Variants in ELAPOR1 observed in about 807,000 individuals in gnomAD.
The protein encoded by ELAPOR1 is endosome/lysosome-associated apoptosis and autophagy regulator 1.
In ELAPOR1, 77 loss-of-function variants were observed where a neutral mutation model predicts 119.7. The observed-to-expected ratio is 0.64, with a 90% CI of 0.54 to 0.78. The LOEUF (loss-of-function observed/expected upper bound fraction) is 0.78. Among genes scored for constraint, ELAPOR1 ranks in the 30% least tolerant of loss-of-function variants. The pLI is 0.00. For missense variants in ELAPOR1, 1,115 were observed against 1,270.4 expected (o/e 0.88, Z 1.86); for synonymous variants, 481 against 487.2 (o/e 0.99, Z 0.17).
chr1:109,164,271 G>C (rs956023546), intron 2 of ELAPOR1, among the ~76,000 whole-genome samples: 1 of 151,934 alleles, frequency 6.6e-6, no homozygotes, highest in East Asian at 1.9e-4. Context: ...TCTTTTGGCC[G>C]TTCCATACAA....
chr1:109,164,775 C>T (rs541370280), intron 3 of ELAPOR1, 84 bp downstream of exon 3: 2 of 1,342,682 alleles, frequency 1.5e-6, no homozygotes, highest in Admixed American at 2.3e-5. Context: ...CTCCGCTGCC[C>T]CTCAGGCTGG....
chr1:109,121,982 T>C (rs1000184264), intron 1 of ELAPOR1, among the ~76,000 whole-genome samples: 1 of 151,744 alleles, frequency 6.6e-6, no homozygotes, highest in Non-Finnish European at 1.5e-5. Flanking sequence ...TCATATTGGC[T>C]AGGCTGATCT....
At chr1:109,191,298 T>G in intron 11 of ELAPOR1, 68 bp from the exon 12 acceptor site, 1 of 1,057,076 alleles carries the variant, frequency 9.5e-7, no homozygotes, top group South Asian at 1.3e-5. Context: ...GACGCTCTGC[T>G]GTTGTCTGGG....
At chr1:109,129,667 C>T (rs1157589250) in intron 1 of ELAPOR1, among the ~76,000 whole-genome samples, 3 of 152,248 alleles carry the variant, frequency 2.0e-5, no homozygotes, top group South Asian at 2.1e-4. Flanking sequence ...GTGGACAGAG[C>T]GCAGCCTCTG....
rs189174883 is a variant in ELAPOR1 at position 109,190,559 on chromosome 1, T to C, written c.1440-807T>C. ...CCTTCTTCGAGGTCCCTGCTTCCCA[T>C]CCCTGGGATGTTGCTCAGTTTGCCT... On this transcript the variant is annotated intron_variant, in intron 11 of 21. Coordinates refer to ENST00000369939, the MANE Select transcript of ELAPOR1 (RefSeq NM_020775.5). Among the ~76,000 whole-genome samples, 14 of 152,328 alleles carry C rather than the reference T, an allele frequency of 9.2e-5. No homozygotes were observed. In the East Asian group the frequency reaches 1.7e-3, roughly 19 times the overall value.
chr1:109,153,270 G>A (rs528369184), intron 1 of ELAPOR1, among the ~76,000 whole-genome samples: 22 of 152,208 alleles, frequency 1.4e-4, no homozygotes, highest in African/African-American at 4.8e-4. Flanking sequence ...CAATCTCAAA[G>A]AAACTCATAC....
intron 1 of ELAPOR1, among the ~76,000 whole-genome samples, chr1:109,147,182 C>T (rs1257175435): frequency 1.3e-5 from 2 of 151,790 alleles, no homozygotes; most frequent in Non-Finnish European, 2.9e-5. Context: ...TCCCAAAGTG[C>T]TGGGATTATA....
rs749504531 is a variant in ELAPOR1, at chr1:109,114,290, T to TGG, written c.107_108insGG (p.Phe36LeufsTer4). ...CTGCTGCTCTGGGCTGGGACCGCCT[T>TGG]CCAGGTGACCCAGGGAACGGGACCG... On this transcript the variant is annotated frameshift_variant, in exon 1 of 22. Coordinates refer to ENST00000369939, the MANE Select transcript of ELAPOR1 (RefSeq NM_020775.5). LOFTEE classifies it high-confidence loss of function. 2.5e-6 allele frequency: 4 copies of TGG among 1,601,258 alleles called. No individual in the cohort carries two copies. The highest frequency in any genetic ancestry group is 2.6e-6 in the Non-Finnish European group (3 of 1,174,228).
chr1:109,142,371 A>G (rs1649882430), intron 1 of ELAPOR1, among the ~76,000 whole-genome samples: 1 of 152,222 alleles, frequency 6.6e-6, no homozygotes, highest in Admixed American at 6.5e-5. Context: ...GTGTGCTGGT[A>G]AATGCTTAAC....
intron 11 of ELAPOR1, among the ~76,000 whole-genome samples, chr1:109,190,273 G>A (rs891043260): frequency 1.3e-5 from 2 of 152,148 alleles, no homozygotes; most frequent in East Asian, 1.9e-4. Context: ...TTCAGGCTTC[G>A]GGCCCCTCAT....
chr1:109,142,598 C>T (rs1649898956), intron 1 of ELAPOR1, among the ~76,000 whole-genome samples: 1 of 152,118 alleles, frequency 6.6e-6, no homozygotes, highest in Non-Finnish European at 1.5e-5. Flanking sequence ...CTGTCAGGGG[C>T]ATGTAAAGGA....
Position 109,171,385 on chromosome 1 carries a change from T to TA in ELAPOR1, c.468-472dup, listed in dbSNP as rs946026840. 1.1e-3 allele frequency among the ~76,000 whole-genome samples: 165 copies of TA among 150,620 alleles called. 1 individual carries two copies. Among genetic ancestry groups the TA allele is most frequent in the African/African-American group, 3.8e-3 (157 of 41,078 alleles). On this transcript the variant is annotated intron_variant, in intron 3 of 21. Coordinates refer to ENST00000369939, the MANE Select transcript of ELAPOR1 (RefSeq NM_020775.5). ...CAACATGGTGAAAACCTGTCTCTACTAAAAAAAAATACAGAAATTAGCTGG... is the reference window on the plus strand; with the variant it reads ...CAACATGGTGAAAACCTGTCTCTACTAAAAAAAAAATACAGAAATTAGCTGG...
At chr1:109,158,103 G>C (rs112374398) in intron 1 of ELAPOR1, among the ~76,000 whole-genome samples, 9,890 of 152,140 alleles carry the variant, frequency 0.065, 529 homozygotes, top group African/African-American at 0.15. Flanking sequence ...GGCCAGGCTG[G>C]TCTCAAACTC....
intron 3 of ELAPOR1, among the ~76,000 whole-genome samples, chr1:109,166,593 G>T (rs1651615276): frequency 6.6e-6 from 1 of 152,156 alleles, no homozygotes; most frequent in Non-Finnish European, 1.5e-5. Flanking sequence ...TTCTATTACA[G>T]AGACGAGGAA....
chr1:109,188,275 A>T lies in ELAPOR1; in HGVS notation c.1140A>T (p.Pro380=). ...CCTCTGGTGTGAAGACCCACTGCCC[A>T]CCCTGCAACCCAGGCTTCTTCAAAA... ...LPASGVKTHC[P]PCNPGFFKTN... Residue 380 remains proline (P), a synonymous_variant, in exon 9 of 22, where the codon CCA becomes CCT. Coordinates refer to ENST00000369939, the MANE Select transcript of ELAPOR1 (RefSeq NM_020775.5). 1 of 1,614,096 alleles carries T rather than the reference A, an allele frequency of 6.2e-7. No individual in the cohort carries two copies. The highest frequency in any genetic ancestry group is 8.5e-7 in the Non-Finnish European group (1 of 1,179,994).
At chr1:109,142,063 G>A (rs2101000742) in intron 1 of ELAPOR1, among the ~76,000 whole-genome samples, 1 of 152,194 alleles carries the variant, frequency 6.6e-6, no homozygotes, top group South Asian at 2.1e-4. Flanking sequence ...AAGCAGTTAA[G>A]GGTAAGAATT....
intron 7 of ELAPOR1, among the ~76,000 whole-genome samples, chr1:109,184,082 A>G (rs1396946329): frequency 6.6e-6 from 1 of 152,076 alleles, no homozygotes; most frequent in Non-Finnish European, 1.5e-5. Flanking sequence ...ATAAAATAAT[A>G]ATAAAGAGGC....
intron 8 of ELAPOR1, chr1:109,187,218 AAGAGCTG>A: frequency 4.1e-6 from 4 of 985,438 alleles, no homozygotes; most frequent in South Asian, 4.7e-5. Flanking sequence ...GTGCTGCTCC[AAGAGCTG>A]GCCCGAGACA....
chr1:109,136,587 G>A (rs1027570885), intron 1 of ELAPOR1, among the ~76,000 whole-genome samples: 9 of 152,148 alleles, frequency 5.9e-5, no homozygotes, highest in Non-Finnish European at 8.8e-5. Context: ...AACATCCCTC[G>A]CGAACAGGGC....
Sources: allele counts gnomAD v4.1 joint callset (sites outside exome capture counted in the v4.1 genomes callset), GRCh38; gene constraint gnomAD v4.1.1; transcripts MANE v1.5; gene names NCBI Gene and HGNC (gene_info 2026-07-23, HGNC 2026-07-21).